The following ZNF341 variants were observed in gnomAD, a reference collection of about 807,000 sequenced individuals.
ZNF341 encodes the protein zinc finger protein 341.
In ZNF341, 52 loss-of-function variants were observed where a neutral mutation model predicts 87.7. That is an observed-to-expected ratio of 0.59 (90% confidence interval 0.47 to 0.75). ZNF341 has a LOEUF of 0.75. ZNF341 is among the 30% of genes least tolerant of loss of function. The pLI is 0.00. For missense variants in ZNF341, 977 were observed against 1,145.9 expected, an observed-to-expected ratio of 0.85 and a Z score of 2.13; for synonymous variants, 459 against 472.7, an observed-to-expected ratio of 0.97 and a Z score of 0.38.
intron 3 of ZNF341, among the ~76,000 whole-genome samples, chr20:33,748,022 T>G (rs2018969828): frequency 6.6e-6 from 1 of 151,952 alleles, no homozygotes; most frequent in African/African-American, 2.4e-5. Flanking sequence ...AAGATACTTG[T>G]GGACTTCATG....
At chr20:33,780,476 C>T (rs112778580) in intron 10 of ZNF341, among the ~76,000 whole-genome samples, 7,318 of 151,444 alleles carry the variant, frequency 0.048, 605 homozygotes, top group African/African-American at 0.17. Flanking sequence ...GGTGCGATCT[C>T]GGCTCACTGC....
chr20:33,765,791 G>C (rs1051958781), intron 8 of ZNF341, among the ~76,000 whole-genome samples: 3 of 152,206 alleles, frequency 2.0e-5, no homozygotes, highest in African/African-American at 7.2e-5. Flanking sequence ...AGGCCACTGG[G>C]CCTGCAGGGA....
intron 3 of ZNF341, 40 bp from the exon 4 acceptor site, chr20:33,748,881 GTC>G: frequency 6.4e-7 from 1 of 1,573,174 alleles, no homozygotes; most frequent in South Asian, 1.2e-5. Flanking sequence ...CACACACTCT[GTC>G]TCTCTCCGTC....
chr20:33,747,139 G>C (rs1006974467), intron 3 of ZNF341, among the ~76,000 whole-genome samples: 3 of 152,164 alleles, frequency 2.0e-5, no homozygotes. Flanking sequence ...CATAAAGGAG[G>C]CTGGGCATAT....
At chr20:33,775,104 A>G (rs2019602405) in intron 10 of ZNF341, among the ~76,000 whole-genome samples, 1 of 152,162 alleles carries the variant, frequency 6.6e-6, no homozygotes, top group Non-Finnish European at 1.5e-5. Context: ...GGTTATTTTC[A>G]GTTTGTCATC....
At chr20:33,760,358 G>A (rs111475302) in intron 7 of ZNF341, among the ~76,000 whole-genome samples, 35 of 152,152 alleles carry the variant, frequency 2.3e-4, no homozygotes, top group African/African-American at 6.0e-4. Context: ...AGCTGAGATC[G>A]TGCCAGTGCA....
At chr20:33,787,433 G>C (rs191222445) in intron 12 of ZNF341, 14 of 152,214 alleles carry the variant, frequency 9.2e-5, no homozygotes, top group African/African-American at 3.1e-4. Flanking sequence ...CAGCATTTCC[G>C]TATCGACTGG....
In ZNF341 at chr20:33,753,334, G is replaced by A; in HGVS notation, c.652G>A (p.Val218Met). ...TCCCAACCCTGGTGGGAACGGTGTGGTGGAGGTGTACAGTGCTGCTGCGCC... is the reference window on the plus strand; with the variant it reads ...TCCCAACCCTGGTGGGAACGGTGTGATGGAGGTGTACAGTGCTGCTGCGCC... ...GRPNPGGNGV[V>M]EVYSAAAPLA... The change falls in exon 5 of 15, where the codon GTG becomes ATG. Residue 218 changes from valine (V) to methionine (M), a missense_variant. Val to Met is a conservative substitution (Grantham distance 21). Around this residue, in one of 3 missense-constraint regions of ZNF341, gnomAD observed 515 missense variants for 598.2 expected, o/e 0.86. Coordinates refer to ENST00000375200, the MANE Select transcript of ZNF341 (RefSeq NM_001282933.2). 6.2e-7 allele frequency: 1 copy of A among 1,610,604 alleles called. No individual in the cohort carries two copies. The highest frequency in any genetic ancestry group is 8.5e-7 in the Non-Finnish European group (1 of 1,178,460).
Position 33,790,980 on chromosome 20 carries a change from C to A in ZNF341, c.2036-8C>A. 1 of 1,604,576 alleles carries A rather than the reference C, an allele frequency of 6.2e-7. No individual in the cohort carries two copies. The highest frequency in any genetic ancestry group is 1.1e-5 in the South Asian group (1 of 90,276). On this transcript the variant is annotated splice_polypyrimidine_tract_variant and splice_region_variant and intron_variant, in intron 14 of 14. Transcript: ENST00000375200. ...GATGCTTCTCACTGACTTTCCCTTG[C>A]CCTCCAGGCATGAAGCTCCACAAAT...
At chr20:33,766,072 A>G (rs571460739) in intron 8 of ZNF341, among the ~76,000 whole-genome samples, 5 of 151,528 alleles carry the variant, frequency 3.3e-5, no homozygotes, top group Non-Finnish European at 7.4e-5. Context: ...TTTGGTAGAG[A>G]CGGGGTTTCA....
intron 8 of ZNF341, among the ~76,000 whole-genome samples, chr20:33,763,424 G>A (rs1277727224): frequency 2.0e-5 from 3 of 152,030 alleles, no homozygotes; most frequent in Non-Finnish European, 4.4e-5. Flanking sequence ...TTAGCCTCCC[G>A]AGTAGCTGGG....
chr20:33,741,109 G>A (rs1189935755), intron 2 of ZNF341, 97 bp downstream of exon 2: 2 of 1,168,402 alleles, frequency 1.7e-6, no homozygotes, highest in Non-Finnish European at 1.3e-6. Context: ...AATGCTTGCT[G>A]TGGTCCCCAG....
Position 33,764,561 on chromosome 20 carries a change from A to ATTTT in ZNF341, c.1223-2264_1223-2261dup, listed in dbSNP as rs1164096634. 5.1e-3 allele frequency among the ~76,000 whole-genome samples: 145 copies of ATTTT among 28,416 alleles called. 2 individuals are homozygous for ATTTT. The highest frequency in any genetic ancestry group is 7.7e-3 in the Non-Finnish European group (115 of 15,000). The allele number at this position is 28,416 out of a possible 152,430, so 18.6% of individuals were successfully genotyped here. On this transcript the variant is annotated intron_variant, in intron 8 of 14. Transcript: ENST00000375200. ...TGTATGTGTATATATATATATATAT[A>ATTTT]TTTTTTTTTTTTTTTTTTTTTTTTT...
At chr20:33,764,288 A>C (rs2019352993) in intron 8 of ZNF341, among the ~76,000 whole-genome samples, 2 of 150,372 alleles carry the variant, frequency 1.3e-5, no homozygotes, top group Non-Finnish European at 3.0e-5. Context: ...CGGCCTCCCA[A>C]AGTGCTGGGA....
intron 9 of ZNF341, 49 bp from the exon 10 acceptor site, chr20:33,770,035 G>A: frequency 7.3e-7 from 1 of 1,368,456 alleles, no homozygotes; most frequent in Non-Finnish European, 1.0e-6. Context: ...GGGCTGCAGT[G>A]GAGGAAGCTC....
chr20:33,767,167 C>T, intron 9 of ZNF341, 126 bp downstream of exon 9: 1 of 1,149,658 alleles, frequency 8.7e-7, no homozygotes, highest in Non-Finnish European at 1.2e-6. Context: ...GGCTCTATTC[C>T]CCCCGGGTTA....
At position 33,757,204 on chromosome 20, in the gene ZNF341, TG is replaced by T. The variant is rs1385527728; in HGVS notation, c.800del (p.Gly267AlafsTer16). 6.3e-7 allele frequency: 1 copy of T among 1,599,630 alleles called. No homozygotes were observed. The highest frequency in any genetic ancestry group is 1.7e-5 in the Admixed American group (1 of 57,516). On this transcript the variant is annotated frameshift_variant, in exon 6 of 15. Coordinates refer to ENST00000375200, the MANE Select transcript of ZNF341 (RefSeq NM_001282933.2). LOFTEE classifies it high-confidence loss of function. ...VYPTPTVYSP[G>X]KQGFKPKGPN... ...ATCCCACCCCCACAGTGTACAGCCCTGGCAAACAGGGATTCAAACCCAAAGG... is the reference window on the plus strand; with the variant it reads ...ATCCCACCCCCACAGTGTACAGCCCTGCAAACAGGGATTCAAACCCAAAGG...
intron 7 of ZNF341, among the ~76,000 whole-genome samples, chr20:33,760,781 C>G (rs531433574): frequency 6.6e-6 from 1 of 151,952 alleles, no homozygotes; most frequent in Non-Finnish European, 1.5e-5. Context: ...TGAGCTCAAG[C>G]GATTCTTCCG....
intron 9 of ZNF341, among the ~76,000 whole-genome samples, chr20:33,769,740 G>A (rs931187141): frequency 2.6e-4 from 39 of 152,220 alleles, no homozygotes; most frequent in Non-Finnish European, 5.4e-4. Context: ...GTGAAACCCC[G>A]TCTCTACTAA....
Sources: allele counts gnomAD v4.1 joint callset (sites outside exome capture counted in the v4.1 genomes callset), GRCh38; gene constraint gnomAD v4.1.1; regional missense constraint gnomAD v4.1.1; transcripts MANE v1.5; gene names NCBI Gene and HGNC (gene_info 2026-07-23, HGNC 2026-07-21).